The following CACNA1C variants were observed in gnomAD, a reference collection of about 807,000 sequenced individuals.
The protein encoded by CACNA1C is calcium voltage-gated channel subunit alpha1 C, also known as voltage-dependent L-type calcium channel subunit alpha-1C.
A neutral mutation model predicts 229.0 loss-of-function variants in CACNA1C; 30 were observed. The observed-to-expected ratio is 0.13, with a 90% confidence interval of 0.10 to 0.18. The LOEUF is 0.18. Ranked by LOEUF, CACNA1C falls within the 10% of genes least tolerant of loss-of-function variation. The pLI is 1.00. For synonymous variants in CACNA1C, 1,114 were observed against 1,132.5 expected, an observed-to-expected ratio of 0.98 and a Z score of 0.33; for missense variants, 1,658 against 2,845.0, an observed-to-expected ratio of 0.58 and a Z score of 9.49.
At chr12:2,614,404 A>G (rs570764412) in intron 29 of CACNA1C, 2 of 152,370 alleles carry the variant, frequency 1.3e-5, no homozygotes, top group South Asian at 4.1e-4. Context: ...GTCACCACCC[A>G]GTTAGGAGCA....
At position 2,381,879 on chromosome 12, in the gene CACNA1C, G is replaced by A. The variant is rs112208474; in HGVS notation, c.478-67097G>A. Among the ~76,000 whole-genome samples, 819 of 152,272 alleles carry A rather than the reference G, an allele frequency of 5.4e-3. 6 individuals carry two copies. Among genetic ancestry groups the A allele is most frequent in the African/African-American group, 0.019 (782 of 41,550 alleles). The stretch of plus-strand genomic sequence containing the variant: ...TCTCCCAGTCCTTGGAGGTATCCTG[G>A]GAGAAGATAGAAACAACTCTGAGAA... On this transcript the variant is annotated intron_variant, in intron 3 of 46. Transcript: ENST00000399655.
chr12:2,327,110 AGACT>A (rs2096341650), intron 3 of CACNA1C, among the ~76,000 whole-genome samples: 1 of 152,234 alleles, frequency 6.6e-6, no homozygotes, highest in Non-Finnish European at 1.5e-5. Flanking sequence ...TGGTGTCCAC[AGACT>A]GAGTGGAGTA....
chr12:2,097,983 G>A (rs1365127502), intron 1 of CACNA1C, among the ~76,000 whole-genome samples: 15 of 152,206 alleles, frequency 9.9e-5, no homozygotes, highest in African/African-American at 2.9e-4. Flanking sequence ...GAAGGACCTC[G>A]TACGGTATCT....
intron 11 of CACNA1C, among the ~76,000 whole-genome samples, chr12:2,563,347 T>C (rs548384486): frequency 1.8e-4 from 28 of 152,346 alleles, no homozygotes; most frequent in African/African-American, 6.0e-4. Flanking sequence ...TAGGAGAACA[T>C]AGGAGTGCAG....
chr12:2,022,734 G>A (rs962204220), intron 1 of CACNA1C, among the ~76,000 whole-genome samples: 2 of 151,948 alleles, frequency 1.3e-5, no homozygotes, highest in African/African-American at 4.8e-5. Flanking sequence ...CATGAGCCAC[G>A]TCACCCAGCC....
At position 2,512,700 on chromosome 12, in the gene CACNA1C, A is replaced by G; in HGVS notation, c.1218-112A>G. ...TGGGCAGGTTTCTCCCTGCAAAGCAATTAAGACTCTTGTTTCTCCTTATCT... is the reference window on the plus strand; with the variant it reads ...TGGGCAGGTTTCTCCCTGCAAAGCAGTTAAGACTCTTGTTTCTCCTTATCT... On this transcript the variant is annotated intron_variant, in intron 8 of 46. Coordinates refer to ENST00000399655, the MANE Select transcript of CACNA1C (RefSeq NM_000719.7). This position sits in a 1 kb window ranked among gnomAD's most constrained non-coding sequence, Gnocchi z 4.3. 3 of 826,138 alleles carry G rather than the reference A, an allele frequency of 3.6e-6. No individual in the cohort carries two copies. The highest frequency in any genetic ancestry group is 5.5e-6 in the Non-Finnish European group (3 of 541,028). The allele number at this position is 826,138 out of a possible 1,614,324, so 51.2% of individuals were successfully genotyped here.
chr12:2,321,657 T>G (rs1006585142), intron 3 of CACNA1C, among the ~76,000 whole-genome samples: 13 of 152,068 alleles, frequency 8.5e-5, no homozygotes, highest in Non-Finnish European at 1.8e-4. Context: ...CATATAGCAC[T>G]AGGTGCCATG....
chr12:2,297,651 C>T (rs1187158884), intron 3 of CACNA1C, among the ~76,000 whole-genome samples: 1 of 152,212 alleles, frequency 6.6e-6, no homozygotes, highest in Non-Finnish European at 1.5e-5. Context: ...ACATCGAAAG[C>T]ATTCCATTGC....
chr12:2,401,123 A>G (rs2098671444), intron 3 of CACNA1C, among the ~76,000 whole-genome samples: 1 of 152,100 alleles, frequency 6.6e-6, no homozygotes, highest in South Asian at 2.1e-4. Flanking sequence ...TCTTAGTGAC[A>G]CCTCAGGGTC....
At chr12:2,070,425 C>T (rs2060774673) in intron 1 of CACNA1C, among the ~76,000 whole-genome samples, 1 of 152,184 alleles carries the variant, frequency 6.6e-6, no homozygotes, top group Admixed American at 6.5e-5. Flanking sequence ...TTTCCTAGTA[C>T]TGAAGCATAT....
At chr12:2,355,026 C>T (rs1417239445) in intron 3 of CACNA1C, among the ~76,000 whole-genome samples, 2 of 152,038 alleles carry the variant, frequency 1.3e-5, no homozygotes, top group Non-Finnish European at 2.9e-5. Flanking sequence ...AAGAAGGAGG[C>T]GTAACATTGT....
Position 2,651,567 on chromosome 12 carries a change from C to T in CACNA1C, c.3946-73C>T. 4.3e-6 allele frequency: 7 copies of T among 1,612,268 alleles called. No individual in the cohort carries two copies. Among genetic ancestry groups the T allele is most frequent in the Non-Finnish European group, 5.9e-6 (7 of 1,178,732 alleles). ...GCCACTGCCACTGAGGTCTGTATTT[C>T]TCGGAGGGGCCCTCCTGTTCTCACC... On this transcript the variant is annotated intron_variant, in intron 31 of 46. Transcript: ENST00000399655. This position sits in a 1 kb window ranked among gnomAD's most constrained non-coding sequence, Gnocchi z 5.4.
chr12:2,060,037 A>G (rs1349020356), intron 1 of CACNA1C, among the ~76,000 whole-genome samples: 3 of 152,252 alleles, frequency 2.0e-5, no homozygotes, highest in Non-Finnish European at 4.4e-5. Flanking sequence ...GTTTAAAAAC[A>G]CTTTCTTAGG....
intron 3 of CACNA1C, among the ~76,000 whole-genome samples, chr12:2,335,520 G>A (rs1427819411): frequency 6.6e-6 from 1 of 152,140 alleles, no homozygotes; most frequent in Non-Finnish European, 1.5e-5. Flanking sequence ...ACGGGTGGCA[G>A]CCATCAGACA....
chr12:2,489,798 T>G (rs2099710481), intron 6 of CACNA1C, among the ~76,000 whole-genome samples: 1 of 152,230 alleles, frequency 6.6e-6, no homozygotes, highest in Admixed American at 6.5e-5. Flanking sequence ...CCTCCATTAT[T>G]TTACCGAAAA....
chr12:2,508,090 C>T (rs1356473218), intron 8 of CACNA1C, among the ~76,000 whole-genome samples: 2 of 152,216 alleles, frequency 1.3e-5, no homozygotes, highest in Non-Finnish European at 2.9e-5. Flanking sequence ...GCAGAGGGAC[C>T]GGCAGCCCTG....
chr12:2,194,324 C>T (rs2097336615), intron 3 of CACNA1C, among the ~76,000 whole-genome samples: 1 of 151,180 alleles, frequency 6.6e-6, no homozygotes, highest in Non-Finnish European at 1.5e-5. Context: ...CCTCCCGTTC[C>T]TCCTCCTCTG....
At chr12:2,395,010 T>C (rs1020922736) in intron 3 of CACNA1C, among the ~76,000 whole-genome samples, 1 of 152,096 alleles carries the variant, frequency 6.6e-6, no homozygotes, top group Non-Finnish European at 1.5e-5. Context: ...CCCAGCCTTA[T>C]TTATTTATTT....
rs543389450 is a variant in CACNA1C, at chr12:2,161,109, C to T, written c.477+40679C>T. Reference sequence around the variant, plus strand: ...TGTTGGGATAACAGGCGTGAGCCACCGCACCCGGCTAGCTCTGGTTATCCT... The same window carrying T: ...TGTTGGGATAACAGGCGTGAGCCACTGCACCCGGCTAGCTCTGGTTATCCT... On this transcript the variant is annotated intron_variant, in intron 3 of 46. Coordinates refer to ENST00000399655, the MANE Select transcript of CACNA1C (RefSeq NM_000719.7). Among the ~76,000 whole-genome samples the T allele has an allele frequency of 2.0e-3, 305 of 152,346 alleles. 2 individuals carry two copies. The highest frequency in any genetic ancestry group is 6.8e-3 in the African/African-American group (284 of 41,572).
Sources: gnomAD v4.1 joint callset for allele counts (sites outside exome capture counted in the v4.1 genomes callset) on GRCh38, gnomAD v4.1.1 for gene constraint, Gnocchi (gnomAD v3.1) non-coding constraint, MANE v1.5 for transcripts, NCBI Gene and HGNC (gene_info 2026-07-23, HGNC 2026-07-21) for gene names.